The following LRRK2 variants were observed in gnomAD, a reference collection of about 807,000 sequenced individuals.
LRRK2 encodes the protein leucine-rich repeat serine/threonine-protein kinase 2.
In LRRK2, 203 loss-of-function variants were observed where a neutral mutation model predicts 302.6. The observed-to-expected ratio is 0.67, with a 90% confidence interval of 0.60 to 0.75. The LOEUF (loss-of-function observed/expected upper bound fraction) is 0.75. Ranked by LOEUF, LRRK2 falls within the 30% of genes least tolerant of loss-of-function variation. LRRK2 has a pLI of 0.00. For missense variants in LRRK2, 2,830 were observed against 2,951.0 expected, an observed-to-expected ratio of 0.96 and a Z score of 0.95; for synonymous variants, 1,066 against 1,031.9, an observed-to-expected ratio of 1.03 and a Z score of -0.63.
chr12:40,229,738 C>T (rs1354158793), intron 2 of LRRK2, among the ~76,000 whole-genome samples: 1 of 152,118 alleles, frequency 6.6e-6, no homozygotes, highest in African/African-American at 2.4e-5. Flanking sequence ...GAGAGATAAG[C>T]TTTTAATTGA....
intron 38 of LRRK2, among the ~76,000 whole-genome samples, chr12:40,324,211 A>T (rs918414580): frequency 2.0e-5 from 3 of 152,148 alleles, no homozygotes; most frequent in Non-Finnish European, 2.9e-5. Flanking sequence ...TATCATTTTT[A>T]AAAAAAGATA....
chr12:40,300,801 T>C (rs1200274486), intron 25 of LRRK2: 2 of 471,026 alleles, frequency 4.2e-6, no homozygotes, highest in Non-Finnish European at 8.8e-6. Flanking sequence ...TGTGGTGCCT[T>C]CTGTGGAAAA....
intron 20 of LRRK2, among the ~76,000 whole-genome samples, chr12:40,288,826 A>G (rs1944031454): frequency 6.6e-6 from 1 of 151,832 alleles, no homozygotes; most frequent in Non-Finnish European, 1.5e-5. Context: ...TGACAGGTAT[A>G]TGTATTGCAT....
chr12:40,315,272 C>A lies in LRRK2; in HGVS notation c.4799C>A (p.Pro1600His). The A allele has an allele frequency of 6.2e-7, 1 of 1,612,606 alleles. No homozygotes were observed. The highest frequency in any genetic ancestry group is 8.5e-7 in the Non-Finnish European group (1 of 1,178,888). Residue 1600 changes from proline (P) to histidine (H), a missense_variant, in exon 33 of 51, where the codon CCC (proline) becomes CAC (histidine). Around this residue, in one of 3 missense-constraint regions of LRRK2, gnomAD observed 2,121 missense variants for 2,148.0 expected, o/e 0.99. Coordinates refer to ENST00000298910, the MANE Select transcript of LRRK2 (RefSeq NM_198578.4). ...LQLSDLYFVE[P>H]KWLCKIMAQI... ...TTAAGTGACTTGTACTTTGTGGAACCCAAGTGGCTTTGTAAAATCATGGCA... is the reference window on the plus strand; with the variant it reads ...TTAAGTGACTTGTACTTTGTGGAACACAAGTGGCTTTGTAAAATCATGGCA...
chr12:40,316,714 A>G (rs552219418), intron 33 of LRRK2, among the ~76,000 whole-genome samples: 1 of 152,122 alleles, frequency 6.6e-6, no homozygotes, highest in South Asian at 2.1e-4. Flanking sequence ...GGCAATTTAA[A>G]GAATGTTAAT....
chr12:40,258,897 TC>T (rs1217138119), intron 12 of LRRK2, among the ~76,000 whole-genome samples: 1 of 152,190 alleles, frequency 6.6e-6, no homozygotes, highest in African/African-American at 2.4e-5. Context: ...GTATTAAAGT[TC>T]ATAGTACCTA....
At chr12:40,284,481 A>G (rs915601181) in intron 19 of LRRK2, among the ~76,000 whole-genome samples, 24 of 151,942 alleles carry the variant, frequency 1.6e-4, no homozygotes, top group Non-Finnish European at 7.4e-5. Context: ...ATCTCTTATA[A>G]GTAATTAATA....
At chr12:40,242,223 C>T (rs570756294) in intron 6 of LRRK2, among the ~76,000 whole-genome samples, 3 of 152,164 alleles carry the variant, frequency 2.0e-5, no homozygotes, top group East Asian at 1.9e-4. Flanking sequence ...CATTTCCTTA[C>T]GTTGTTAATT....
At chr12:40,252,002 G>A (rs535728996) in intron 10 of LRRK2, among the ~76,000 whole-genome samples, 1 of 152,244 alleles carries the variant, frequency 6.6e-6, no homozygotes, top group South Asian at 2.1e-4. Context: ...GTCTTCTTTC[G>A]AGAGGGTTAT....
intron 14 of LRRK2, among the ~76,000 whole-genome samples, chr12:40,272,189 C>T (rs1022832184): frequency 3.9e-5 from 6 of 152,168 alleles, no homozygotes; most frequent in Admixed American, 3.3e-4. Flanking sequence ...GTGAAATACA[C>T]ACCTGTGAAG....
chr12:40,248,443 G>C (rs1942106153), intron 7 of LRRK2, among the ~76,000 whole-genome samples: 1 of 152,132 alleles, frequency 6.6e-6, no homozygotes, highest in South Asian at 2.1e-4. Context: ...AAAATAAAAA[G>C]TGATCAAATT....
chr12:40,279,888 T>C lies in LRRK2; in HGVS notation c.2241+1627T>C, dbSNP rs76344847. 4.7e-3 allele frequency among the ~76,000 whole-genome samples: 722 copies of C among 152,358 alleles called. 17 individuals are homozygous for C. In the East Asian group the frequency reaches 0.078, roughly 17 times the overall value. On this transcript the variant is annotated intron_variant, in intron 18 of 50. Transcript: ENST00000298910. Reference sequence around the variant, plus strand: ...ATAACTGCTGATTAAATCTTGTGGATGAGTTTGTCGTATGTACCTTATTTG... The same window carrying C: ...ATAACTGCTGATTAAATCTTGTGGACGAGTTTGTCGTATGTACCTTATTTG...
At chr12:40,312,338 T>C (rs1009895105) in intron 31 of LRRK2, among the ~76,000 whole-genome samples, 2 of 152,144 alleles carry the variant, frequency 1.3e-5, no homozygotes, top group Non-Finnish European at 2.9e-5. Flanking sequence ...CATTCTGGCA[T>C]AATGGTTTGA....
intron 44 of LRRK2, 37 bp from the exon 45 acceptor site, chr12:40,354,262 A>C: frequency 6.3e-7 from 1 of 1,578,218 alleles, no homozygotes; most frequent in Non-Finnish European, 8.7e-7. Flanking sequence ...TTAAGCTTAA[A>C]TCAAATCCTG....
chr12:40,353,610 C>A (rs961249471), intron 44 of LRRK2, among the ~76,000 whole-genome samples: 4 of 152,148 alleles, frequency 2.6e-5, no homozygotes, highest in African/African-American at 9.7e-5. Context: ...GCAATCTCGG[C>A]ACTTTGGGAG....
At chr12:40,297,932 T>G (rs1342776213) in intron 23 of LRRK2, among the ~76,000 whole-genome samples, 2 of 152,130 alleles carry the variant, frequency 1.3e-5, no homozygotes, top group Non-Finnish European at 2.9e-5. Flanking sequence ...AAATATTTGT[T>G]GAGGCGTATT....
rs759645430 is a variant in LRRK2 at position 40,274,728 on chromosome 12, G to A, written c.1801+1G>A. ...CTGCAGATGTATCCAGATGACCAAGGTCAGTACAATTTGAATTCAGGATTT... is the reference window on the plus strand; with the variant it reads ...CTGCAGATGTATCCAGATGACCAAGATCAGTACAATTTGAATTCAGGATTT... On this transcript the variant is annotated splice_donor_variant, in intron 15 of 50. Transcript: ENST00000298910. LOFTEE classifies it high-confidence loss of function. 2 of 1,614,000 alleles carry A rather than the reference G, an allele frequency of 1.2e-6. No individual in the cohort carries two copies. The highest frequency in any genetic ancestry group is 1.7e-5 in the Admixed American group (1 of 60,014).
At chr12:40,254,164 C>G (rs1415070056) in intron 11 of LRRK2, among the ~76,000 whole-genome samples, 1 of 151,924 alleles carries the variant, frequency 6.6e-6, no homozygotes, top group Non-Finnish European at 1.5e-5. Flanking sequence ...GCAGCTTTTG[C>G]AGGACATTTT....
At position 40,235,711 on chromosome 12, in the gene LRRK2, T is replaced by A; in HGVS notation, c.433T>A (p.Ser145Thr). 5 of 1,564,872 alleles carry A rather than the reference T, an allele frequency of 3.2e-6. No individual in the cohort carries two copies. Among genetic ancestry groups the A allele is most frequent in the Non-Finnish European group, 4.4e-6 (5 of 1,135,584 alleles). The change falls in exon 4 of 51, where the codon TCA (serine) becomes ACA (threonine). Residue 145 changes from serine to threonine, a missense_variant. By Grantham distance (58) the Ser-to-Thr change is moderately conservative (BLOSUM62 1). This residue lies in a region of LRRK2 where 2,121 missense variants were observed against 2,148.0 expected (regional missense o/e 0.99). Transcript: ENST00000298910. ...GAAGACCTTAGATCTCCTCCTAACT[T>A]CAGGTAATATGTGTATATGTTTTTT... ...GLKTLDLLLT[S>T]GKITLLILDE... is the part of the protein sequence containing the mutation.
Sources: allele counts gnomAD v4.1 joint callset (sites outside exome capture counted in the v4.1 genomes callset), GRCh38; gene constraint gnomAD v4.1.1; regional missense constraint gnomAD v4.1.1; transcripts MANE v1.5; gene names NCBI Gene and HGNC (gene_info 2026-07-23, HGNC 2026-07-21).